STX18: variants seen among roughly 807,000 people sequenced by gnomAD.
The protein encoded by STX18 is syntaxin-18.
In STX18, 40 loss-of-function variants were observed where a neutral mutation model predicts 50.1. That is an observed-to-expected ratio of 0.80 (90% CI 0.62 to 1.04). STX18 has a LOEUF of 1.04. Ranked by LOEUF, STX18 falls within the 50% of genes least tolerant of loss-of-function variation. The probability of loss-of-function intolerance (pLI) is 0.00; values close to 1 mark genes in which losing one functional copy is unlikely to be tolerated. For synonymous variants in STX18, 158 were observed against 151.8 expected (o/e 1.04, Z -0.30); for missense variants, 410 against 415.8 (o/e 0.99, Z 0.12).
chr4:4,472,623 C>G (rs1406115220), intron 1 of STX18, among the ~76,000 whole-genome samples: 1 of 152,232 alleles, frequency 6.6e-6, no homozygotes, highest in Non-Finnish European at 1.5e-5. Context: ...CTTCTGCACA[C>G]CACACTCTTG....
intron 1 of STX18, among the ~76,000 whole-genome samples, chr4:4,498,387 C>CTA (rs2108874088): frequency 6.6e-6 from 1 of 152,256 alleles, no homozygotes; most frequent in South Asian, 2.1e-4. Flanking sequence ...AAAGGTGTCC[C>CTA]TATTAGACTT....
At chr4:4,538,552 G>A (rs930781229) in intron 1 of STX18, among the ~76,000 whole-genome samples, 1 of 143,196 alleles carries the variant, frequency 7.0e-6, no homozygotes, top group African/African-American at 2.6e-5. Context: ...ATGTCTAAAT[G>A]GCCTACATGA....
rs954570686 is a variant in STX18, at chr4:4,453,598, T to G, written c.497+3593A>C. 9 of 829,302 alleles carry G rather than the reference T, an allele frequency of 1.1e-5. No individual in the cohort carries two copies. In the African/African-American group the frequency reaches 1.3e-4, roughly 12 times the overall value. 51.4% of individuals were successfully genotyped at this position (829,302 alleles called of 1,614,324 possible). ...TGACTTGCTTTATTGTGATATTCACTTTGTTGCTGTCTGGAACCACACCTG... is the reference window on the plus strand; with the variant it reads ...TGACTTGCTTTATTGTGATATTCACGTTGTTGCTGTCTGGAACCACACCTG... On this transcript the variant is annotated intron_variant, in intron 5 of 10. Coordinates refer to ENST00000306200, the MANE Select transcript of STX18 (RefSeq NM_016930.4).
At position 4,501,314 on chromosome 4, in the gene STX18, G is replaced by A. The variant is rs543116414; in HGVS notation, c.169-29608C>T. ...TGCGACATGGTTCCTCATTCTGTTT[G>A]CCTCACAGCACCCCTCCCAGCCTCC... On this transcript the variant is annotated intron_variant, in intron 1 of 10. Coordinates refer to ENST00000306200, the MANE Select transcript of STX18 (RefSeq NM_016930.4). 1.9e-4 allele frequency among the ~76,000 whole-genome samples: 29 copies of A among 152,224 alleles called. No homozygotes were observed. The South Asian group carries it at 2.9e-3, about 15-fold the overall frequency.
intron 5 of STX18, among the ~76,000 whole-genome samples, chr4:4,439,134 T>C (rs1725956216): frequency 1.0e-5 from 1 of 97,746 alleles, no homozygotes; most frequent in African/African-American, 4.1e-5. Flanking sequence ...ACACACAATA[T>C]ATATACCACA....
chr4:4,460,806 C>T (rs1368264170), intron 2 of STX18, among the ~76,000 whole-genome samples: 1 of 152,130 alleles, frequency 6.6e-6, no homozygotes, highest in Non-Finnish European at 1.5e-5. Context: ...CGAGGGAAGA[C>T]CCAACAGTGA....
intron 1 of STX18, among the ~76,000 whole-genome samples, chr4:4,504,765 C>G (rs561101476): frequency 6.6e-6 from 1 of 152,072 alleles, no homozygotes. Flanking sequence ...TCACTACACA[C>G]CTATTAAAAT....
chr4:4,425,921 C>G (rs1725221979), intron 7 of STX18: 1 of 152,600 alleles, frequency 6.6e-6, no homozygotes, highest in East Asian at 1.9e-4. Context: ...GATGGAAGCT[C>G]CTGAAACTCA....
At chr4:4,488,033 T>C (rs949440874) in intron 1 of STX18, among the ~76,000 whole-genome samples, 6 of 152,220 alleles carry the variant, frequency 3.9e-5, no homozygotes, top group African/African-American at 1.2e-4. Context: ...GTTGTTTTTT[T>C]TTTAAATGTG....
At chr4:4,522,085 G>A (rs186593711) in intron 1 of STX18, among the ~76,000 whole-genome samples, 201 of 152,256 alleles carry the variant, frequency 1.3e-3, no homozygotes, top group African/African-American at 4.6e-3. Flanking sequence ...AGGCCCTTTA[G>A]ACATGGTTTT....
intron 2 of STX18, among the ~76,000 whole-genome samples, chr4:4,471,034 G>A (rs188140500): frequency 1.3e-5 from 2 of 152,288 alleles, no homozygotes; most frequent in East Asian, 3.9e-4. Context: ...ATGAACAGAA[G>A]GATTCAGCAA....
intron 5 of STX18, among the ~76,000 whole-genome samples, chr4:4,450,754 A>T (rs1242271084): frequency 6.6e-6 from 1 of 152,100 alleles, no homozygotes. Context: ...CTGCCCTGGA[A>T]AACTGCTGCT....
chr4:4,452,820 A>G (rs996552151), intron 5 of STX18, among the ~76,000 whole-genome samples: 2 of 152,248 alleles, frequency 1.3e-5, no homozygotes, highest in Non-Finnish European at 2.9e-5. Flanking sequence ...GACGCCATTA[A>G]GAACATTCGT....
intron 9 of STX18, 125 bp from the exon 10 acceptor site, chr4:4,421,069 A>T: frequency 1.1e-6 from 1 of 894,162 alleles, no homozygotes. Flanking sequence ...ATTTTGGAGC[A>T]CTTAGGACTT....
chr4:4,487,333 A>C (rs970551955), intron 1 of STX18, among the ~76,000 whole-genome samples: 1 of 152,216 alleles, frequency 6.6e-6, no homozygotes, highest in Non-Finnish European at 1.5e-5. Context: ...CATCCAAATC[A>C]TCATCATAAT....
intron 1 of STX18, among the ~76,000 whole-genome samples, chr4:4,475,933 T>C (rs1206899779): frequency 6.6e-6 from 1 of 152,226 alleles, no homozygotes; most frequent in Non-Finnish European, 1.5e-5. Context: ...TGTTTTGGAC[T>C]TTAAATGTTT....
chr4:4,503,785 G>C (rs930895743), intron 1 of STX18, among the ~76,000 whole-genome samples: 1 of 152,118 alleles, frequency 6.6e-6, no homozygotes, highest in Non-Finnish European at 1.5e-5. Flanking sequence ...AGTTTTTTGA[G>C]AATGTTTTTT....
intron 1 of STX18, among the ~76,000 whole-genome samples, chr4:4,491,422 G>A (rs1435216021): frequency 6.6e-6 from 1 of 152,022 alleles, no homozygotes; most frequent in African/African-American, 2.4e-5. Context: ...TAGGAAAAAG[G>A]ATATATATTA....
At chr4:4,505,623 TAA>T (rs56034157) in intron 1 of STX18, among the ~76,000 whole-genome samples, 5 of 134,998 alleles carry the variant, frequency 3.7e-5, no homozygotes, top group Non-Finnish European at 3.3e-5. Context: ...CTGCTAAAAA[TAA>T]AAAAAAAAAA....
Sources: gnomAD v4.1 joint callset for allele counts (sites outside exome capture counted in the v4.1 genomes callset) on GRCh38, gnomAD v4.1.1 for gene constraint, MANE v1.5 for transcripts, NCBI Gene and HGNC (gene_info 2026-07-23, HGNC 2026-07-21) for gene names.